Variants in SNTG2 observed in about 807,000 individuals in gnomAD.
SNTG2 encodes gamma-2-syntrophin.
In SNTG2, 74 loss-of-function variants were observed where a neutral mutation model predicts 70.9. The observed-to-expected ratio is 1.04, with a 90% CI of 0.86 to 1.27. The LOEUF is 1.27. Ranked by LOEUF, SNTG2 falls within the 50% of genes most tolerant of loss-of-function variation. The pLI, the probability that SNTG2 is intolerant of heterozygous loss-of-function variation, is 0.00. For missense variants in SNTG2, 717 were observed against 690.7 expected, an observed-to-expected ratio of 1.04 and a Z score of -0.43; for synonymous variants, 278 against 273.8, an observed-to-expected ratio of 1.02 and a Z score of -0.15.
At chr2:1,045,598 A>C (rs1216107829) in intron 1 of SNTG2, among the ~76,000 whole-genome samples, 1 of 152,116 alleles carries the variant, frequency 6.6e-6, no homozygotes, top group Admixed American at 6.6e-5. Flanking sequence ...CATTAGTTTC[A>C]AAGAATTTCT....
intron 4 of SNTG2, among the ~76,000 whole-genome samples, chr2:1,127,024 A>T (rs77147223): frequency 1.3e-5 from 2 of 149,718 alleles, no homozygotes; most frequent in Non-Finnish European, 3.0e-5. Flanking sequence ...GTTTTATACA[A>T]TTTTTTCTCA....
chr2:1,367,364 A>C lies in SNTG2; in HGVS notation c.1510A>C (p.Arg504=), dbSNP rs1261487517. 6.5e-7 allele frequency: 1 copy of C among 1,547,290 alleles called. No homozygotes were observed. The highest frequency in any genetic ancestry group is 8.7e-7 in the Non-Finnish European group (1 of 1,145,496). The part of the protein sequence containing the change: ...ETKELEFQDL[R]AVLHCIHSFI... The stretch of plus-strand genomic sequence containing the variant: ...CCAGGAACTCGAGTTCCAGGACCTG[A>C]GGGCTGTCCTGCACTGCATCCACTC... The change falls in exon 17 of 17, where the codon AGG becomes CGG. Residue 504 remains arginine, a synonymous_variant. Transcript: ENST00000308624.
chr2:1,081,218 C>T (rs770592651), intron 1 of SNTG2, among the ~76,000 whole-genome samples: 2 of 152,234 alleles, frequency 1.3e-5, no homozygotes, highest in African/African-American at 4.8e-5. Flanking sequence ...CCTTGCCTCC[C>T]TCTGTGTGCA....
chr2:1,098,496 T>A, intron 4 of SNTG2, 86 bp downstream of exon 4: 5 of 1,400,468 alleles, frequency 3.6e-6, no homozygotes, highest in Non-Finnish European at 4.0e-6. Flanking sequence ...TCAGCAGATA[T>A]GTGTTTTGCT....
chr2:1,297,910 A>T (rs911483302), intron 14 of SNTG2, among the ~76,000 whole-genome samples: 1 of 152,234 alleles, frequency 6.6e-6, no homozygotes, highest in East Asian at 1.9e-4. Context: ...AGAACTCCCA[A>T]CCAGGGCTTG....
intron 16 of SNTG2, among the ~76,000 whole-genome samples, chr2:1,318,234 A>G (rs145677471): frequency 3.1e-4 from 47 of 152,376 alleles, no homozygotes; most frequent in African/African-American, 1.1e-3. Context: ...ATTTTAAAAA[A>G]TAGACTCATG....
rs373663157 is a variant in SNTG2, at chr2:1,367,492, T to G, written c.*18T>G. The stretch of plus-strand genomic sequence containing the variant: ...GCAGCTAAAGGTTGTTTCTGTTGAG[T>G]GCTGAAAAATTAAATTATTTTCGTA... On this transcript the variant is annotated 3_prime_UTR_variant, in exon 17 of 17. Coordinates refer to ENST00000308624, the MANE Select transcript of SNTG2 (RefSeq NM_018968.4). 6.5e-6 allele frequency: 10 copies of G among 1,540,612 alleles called. No homozygotes were observed. In the African/African-American group the frequency reaches 1.2e-4, roughly 19 times the overall value.
intron 16 of SNTG2, among the ~76,000 whole-genome samples, chr2:1,356,801 C>T (rs536069670): frequency 7.2e-5 from 11 of 152,074 alleles, no homozygotes; most frequent in Admixed American, 3.3e-4. Context: ...AATTCATTAA[C>T]GTGGTTTTTT....
intron 8 of SNTG2, among the ~76,000 whole-genome samples, chr2:1,192,985 G>T (rs1361010190): frequency 6.6e-6 from 1 of 152,230 alleles, no homozygotes; most frequent in Non-Finnish European, 1.5e-5. Flanking sequence ...TGTTCAGCTA[G>T]TCCATGTGAA....
chr2:1,307,577 A>G (rs1005812361), intron 14 of SNTG2, among the ~76,000 whole-genome samples: 1 of 152,048 alleles, frequency 6.6e-6, no homozygotes, highest in Non-Finnish European at 1.5e-5. Flanking sequence ...CAGGCCCAGA[A>G]CCCACAGCTG....
chr2:1,231,090 A>G (rs527828512), intron 9 of SNTG2, among the ~76,000 whole-genome samples: 2 of 148,338 alleles, frequency 1.3e-5, no homozygotes, highest in South Asian at 4.4e-4. Flanking sequence ...ATTACTTAGG[A>G]TAATGACAGT....
At chr2:1,148,551 G>A (rs1039650024) in intron 6 of SNTG2, among the ~76,000 whole-genome samples, 2 of 152,202 alleles carry the variant, frequency 1.3e-5, no homozygotes, top group Non-Finnish European at 2.9e-5. Context: ...GAAGATGCCA[G>A]CTTGCTATTG....
chr2:1,200,414 A>G (rs1040379841), intron 8 of SNTG2, among the ~76,000 whole-genome samples: 2 of 151,982 alleles, frequency 1.3e-5, no homozygotes, highest in African/African-American at 4.8e-5. Flanking sequence ...TTATAAAACT[A>G]CTAGAAGTAA....
In SNTG2 at chr2:1,293,274, G is replaced by A. The variant is rs1680064703; in HGVS notation, c.1285-15220G>A. ...ATTTGGTCAATACAGATAAAGCATT[G>A]CCATTTTAAAAAATATTTTTGAAGA... On this transcript the variant is annotated intron_variant, in intron 14 of 16. Transcript: ENST00000308624. 2.0e-5 allele frequency among the ~76,000 whole-genome samples: 3 copies of A among 150,206 alleles called. No homozygotes were observed. In the South Asian group the frequency reaches 6.3e-4, roughly 32 times the overall value.
chr2:1,226,455 C>T (rs972138768), intron 9 of SNTG2, among the ~76,000 whole-genome samples: 2 of 152,118 alleles, frequency 1.3e-5, no homozygotes, highest in African/African-American at 4.8e-5. Flanking sequence ...GGAATACAGG[C>T]GGCATTTCCG....
At position 1,282,771 on chromosome 2, in the gene SNTG2, G is replaced by A. The variant is rs368534178; in HGVS notation, c.1284+15200G>A. Among the ~76,000 whole-genome samples, 7 of 150,642 alleles carry A rather than the reference G, an allele frequency of 4.6e-5. No homozygotes were observed. In the South Asian group the frequency reaches 1.5e-3, roughly 32 times the overall value. On this transcript the variant is annotated intron_variant, in intron 14 of 16. Coordinates refer to ENST00000308624, the MANE Select transcript of SNTG2 (RefSeq NM_018968.4). ...CCCCGCCCCCACGTCAGTGAGCTGG[G>A]CGCTCTCCAAGTCCTGCTTCAGTCC...
At chr2:1,018,864 G>T (rs936549896) in intron 1 of SNTG2, among the ~76,000 whole-genome samples, 1 of 152,214 alleles carries the variant, frequency 6.6e-6, no homozygotes, top group Non-Finnish European at 1.5e-5. Context: ...TCTCAGCAGG[G>T]TTGGCTCCCA....
At chr2:1,065,387 A>G (rs968273925) in intron 1 of SNTG2, among the ~76,000 whole-genome samples, 3 of 152,086 alleles carry the variant, frequency 2.0e-5, no homozygotes, top group Admixed American at 2.0e-4. Context: ...TGAGAGGCAT[A>G]ATTGGAATCG....
chr2:1,136,052 C>T (rs1668362422), intron 4 of SNTG2, among the ~76,000 whole-genome samples: 1 of 152,040 alleles, frequency 6.6e-6, no homozygotes, highest in South Asian at 2.1e-4. Flanking sequence ...ATTTTCTGCA[C>T]TTTTATAGCA....
Sources: allele counts gnomAD v4.1 joint callset (sites outside exome capture counted in the v4.1 genomes callset), GRCh38; gene constraint gnomAD v4.1.1; transcripts MANE v1.5; gene names NCBI Gene and HGNC (gene_info 2026-07-23, HGNC 2026-07-21).